Variants in CNTNAP5 observed in about 807,000 individuals in gnomAD.
CNTNAP5 encodes the protein contactin-associated protein-like 5.
Under a neutral mutation model 150.2 loss-of-function variants are expected in CNTNAP5, and 72 were observed. The ratio of observed to expected loss-of-function variants is 0.48; its 90% CI spans 0.40 to 0.58. The LOEUF is 0.58. Among genes scored for constraint, CNTNAP5 ranks in the 20% least tolerant of loss-of-function variants. CNTNAP5 has a pLI of 0.00. For synonymous variants in CNTNAP5, 672 were observed against 619.8 expected, an observed-to-expected ratio of 1.08 and a Z score of -1.25; for missense variants, 1,636 against 1,626.2, an observed-to-expected ratio of 1.01 and a Z score of -0.10.
At chr2:124,607,791 G>A (rs964797852) in intron 11 of CNTNAP5, among the ~76,000 whole-genome samples, 4 of 152,132 alleles carry the variant, frequency 2.6e-5, no homozygotes, top group Non-Finnish European at 5.9e-5. Context: ...CTGTCATCCC[G>A]GGAATGTGGG....
At chr2:124,846,867 C>T (rs1259696579) in intron 19 of CNTNAP5, among the ~76,000 whole-genome samples, 3 of 152,172 alleles carry the variant, frequency 2.0e-5, no homozygotes. Flanking sequence ...CGCAGTAGAG[C>T]TACTGGGCTC....
chr2:124,486,251 A>G (rs1292048694), intron 7 of CNTNAP5, among the ~76,000 whole-genome samples: 3 of 152,152 alleles, frequency 2.0e-5, no homozygotes, highest in Non-Finnish European at 1.5e-5. Context: ...GAGCTAAGCT[A>G]TGAGGATGCA....
At chr2:124,443,616 G>A (rs950872250) in intron 5 of CNTNAP5, among the ~76,000 whole-genome samples, 1 of 151,888 alleles carries the variant, frequency 6.6e-6, no homozygotes, top group Non-Finnish European at 1.5e-5. Context: ...TATACCCAAA[G>A]TTACATAAAA....
chr2:124,800,711 C>T, intron 19 of CNTNAP5, among the ~76,000 whole-genome samples: 1 of 152,204 alleles, frequency 6.6e-6, no homozygotes. Flanking sequence ...CTATTAAAAG[C>T]TGCCTGATCC....
intron 6 of CNTNAP5, among the ~76,000 whole-genome samples, chr2:124,450,142 G>A (rs1213945210): frequency 1.3e-5 from 2 of 151,946 alleles, no homozygotes; most frequent in African/African-American, 4.8e-5. Flanking sequence ...ATGAGGCCTG[G>A]ACATCACCAG....
intron 8 of CNTNAP5, among the ~76,000 whole-genome samples, chr2:124,522,075 A>G (rs1694858249): frequency 2.0e-5 from 3 of 152,194 alleles, no homozygotes. Context: ...TGCTCTGAGC[A>G]GATGGGTCAC....
chr2:124,790,163 C>A, intron 18 of CNTNAP5, 22 bp downstream of exon 18: 1 of 1,589,830 alleles, frequency 6.3e-7, no homozygotes, highest in Non-Finnish European at 8.6e-7. Context: ...GCTCCTGTTT[C>A]TCCTGAGTGC....
intron 7 of CNTNAP5, among the ~76,000 whole-genome samples, chr2:124,477,883 A>G (rs1269908001): frequency 1.3e-5 from 2 of 152,100 alleles, no homozygotes; most frequent in South Asian, 2.1e-4. Flanking sequence ...AAAGGGCATC[A>G]CTACCTACCA....
At chr2:124,242,154 G>A (rs751059381) in intron 2 of CNTNAP5, 46 bp from the exon 3 acceptor site, 3 of 1,428,360 alleles carry the variant, frequency 2.1e-6, no homozygotes, top group East Asian at 2.5e-5. Context: ...GTAGCTATGT[G>A]AGACATTACT....
intron 1 of CNTNAP5, among the ~76,000 whole-genome samples, chr2:124,165,330 C>T (rs1212131124): frequency 1.3e-5 from 2 of 152,162 alleles, no homozygotes; most frequent in Non-Finnish European, 2.9e-5. Flanking sequence ...ATCCATTTCA[C>T]ACGATTGTTT....
chr2:124,219,694 G>A (rs957574866), intron 1 of CNTNAP5, among the ~76,000 whole-genome samples: 1 of 152,074 alleles, frequency 6.6e-6, no homozygotes, highest in Non-Finnish European at 1.5e-5. Flanking sequence ...GTACATGCAA[G>A]ATCTGCATTA....
chr2:124,307,322 C>T (rs1688717930), intron 3 of CNTNAP5, among the ~76,000 whole-genome samples: 1 of 152,146 alleles, frequency 6.6e-6, no homozygotes, highest in Non-Finnish European at 1.5e-5. Flanking sequence ...GCTCCATTCT[C>T]ATGACCTAAT....
At chr2:124,187,796 C>T (rs1181647960) in intron 1 of CNTNAP5, among the ~76,000 whole-genome samples, 3 of 152,124 alleles carry the variant, frequency 2.0e-5, no homozygotes, top group African/African-American at 4.8e-5. Flanking sequence ...CCTTCCTGGT[C>T]CTCTGATGAC....
chr2:124,845,848 C>A (rs748472267), intron 19 of CNTNAP5, among the ~76,000 whole-genome samples: 1 of 151,930 alleles, frequency 6.6e-6, no homozygotes, highest in Non-Finnish European at 1.5e-5. Flanking sequence ...TGTTTCATTT[C>A]TAATTGAGCT....
intron 11 of CNTNAP5, among the ~76,000 whole-genome samples, chr2:124,575,667 G>A (rs1696267012): frequency 6.6e-6 from 1 of 152,152 alleles, no homozygotes; most frequent in African/African-American, 2.4e-5. Flanking sequence ...ACAGGTGGCT[G>A]CAATAATTGA....
intron 1 of CNTNAP5, among the ~76,000 whole-genome samples, chr2:124,179,081 C>A (rs1240274256): frequency 1.3e-5 from 2 of 151,784 alleles, no homozygotes; most frequent in South Asian, 2.1e-4. Context: ...CCATTCCATA[C>A]CCCACCCAGC....
chr2:124,686,673 A>G (rs1176047498), intron 13 of CNTNAP5, among the ~76,000 whole-genome samples: 1 of 152,122 alleles, frequency 6.6e-6, no homozygotes, highest in Non-Finnish European at 1.5e-5. Context: ...TAGAAAAAGA[A>G]CATAGTCAAC....
chr2:124,382,831 A>G (rs918516944), intron 3 of CNTNAP5, among the ~76,000 whole-genome samples: 1 of 152,170 alleles, frequency 6.6e-6, no homozygotes, highest in South Asian at 2.1e-4. Context: ...TTTGATTCCT[A>G]TATCTGAAGT....
intron 6 of CNTNAP5, among the ~76,000 whole-genome samples, chr2:124,464,998 T>C (rs923693958): frequency 2.1e-5 from 3 of 145,676 alleles, no homozygotes; most frequent in African/African-American, 8.1e-5. Context: ...GTATCAGATA[T>C]TCAAGTCAGA....
Sources: allele counts gnomAD v4.1 joint callset (sites outside exome capture counted in the v4.1 genomes callset), GRCh38; gene constraint gnomAD v4.1.1; transcripts MANE v1.5; gene names NCBI Gene and HGNC (gene_info 2026-07-23, HGNC 2026-07-21).